DOK6: variants seen among roughly 807,000 people sequenced by gnomAD.
DOK6 encodes downstream of tyrosine kinase 6.
DOK6 carries 22 observed loss-of-function variants against 44.0 expected under a neutral mutation model. The ratio of observed to expected loss-of-function variants is 0.50; its 90% CI spans 0.36 to 0.71. DOK6 has a LOEUF of 0.71. DOK6 is among the 30% of genes least tolerant of loss of function. DOK6 has a pLI of 0.00. For missense variants in DOK6, 340 were observed against 416.4 expected (o/e 0.82, Z 1.60); for synonymous variants, 166 against 145.5 (o/e 1.14, Z -1.01).
chr18:69,473,169 G>A (rs1430227328), intron 1 of DOK6, among the ~76,000 whole-genome samples: 1 of 152,134 alleles, frequency 6.6e-6, no homozygotes, highest in East Asian at 1.9e-4. Context: ...CATACTTGCT[G>A]TTTCATTATA....
At chr18:69,519,909 TTTC>T (rs1981639311) in intron 1 of DOK6, among the ~76,000 whole-genome samples, 1 of 151,900 alleles carries the variant, frequency 6.6e-6, no homozygotes, top group Non-Finnish European at 1.5e-5. Context: ...ATAAGTTGTG[TTTC>T]TTATTTTTAA....
At chr18:69,804,120 G>C (rs1330423448) in intron 7 of DOK6, among the ~76,000 whole-genome samples, 2 of 152,126 alleles carry the variant, frequency 1.3e-5, no homozygotes, top group East Asian at 3.9e-4. Context: ...TCCCAGAAGA[G>C]AGCAATACAA....
intron 1 of DOK6, among the ~76,000 whole-genome samples, chr18:69,411,714 T>A (rs1302183355): frequency 6.6e-6 from 1 of 152,150 alleles, no homozygotes; most frequent in Non-Finnish European, 1.5e-5. Flanking sequence ...GGCTTCTTGA[T>A]TCTATGGCTT....
At chr18:69,711,961 T>TAATC (rs1186867665) in intron 5 of DOK6, among the ~76,000 whole-genome samples, 1 of 152,166 alleles carries the variant, frequency 6.6e-6, no homozygotes, top group Admixed American at 6.5e-5. Flanking sequence ...AATTGATGAT[T>TAATC]AATCATTCTC....
At chr18:69,576,601 T>C (rs1378694879) in intron 2 of DOK6, among the ~76,000 whole-genome samples, 13 of 152,154 alleles carry the variant, frequency 8.5e-5, no homozygotes, top group African/African-American at 3.1e-4. Context: ...ACTGTGAGAG[T>C]GATCTTGCAG....
chr18:69,566,644 T>C (rs148111250), intron 2 of DOK6, among the ~76,000 whole-genome samples: 1 of 152,318 alleles, frequency 6.6e-6, no homozygotes, highest in African/African-American at 2.4e-5. Flanking sequence ...TTCAAAGATG[T>C]GTGAGACACA....
At chr18:69,819,642 T>C (rs954325702) in intron 7 of DOK6, among the ~76,000 whole-genome samples, 4 of 152,180 alleles carry the variant, frequency 2.6e-5, no homozygotes, top group Non-Finnish European at 5.9e-5. Context: ...TAACTGAAAC[T>C]TTAGACCTGT....
chr18:69,689,456 T>A (rs1986218830), intron 4 of DOK6, among the ~76,000 whole-genome samples: 1 of 152,202 alleles, frequency 6.6e-6, no homozygotes, highest in Non-Finnish European at 1.5e-5. Flanking sequence ...AAGTTTCCAA[T>A]ATACAGAATT....
At chr18:69,489,764 G>A (rs752167106) in intron 1 of DOK6, among the ~76,000 whole-genome samples, 8 of 151,956 alleles carry the variant, frequency 5.3e-5, no homozygotes, top group African/African-American at 1.2e-4. Context: ...GGCCATACAC[G>A]ATTTGGTATG....
intron 2 of DOK6, among the ~76,000 whole-genome samples, chr18:69,578,295 A>C (rs1261542042): frequency 6.6e-6 from 1 of 152,202 alleles, no homozygotes; most frequent in Non-Finnish European, 1.5e-5. Flanking sequence ...TGTAAAATGC[A>C]AGTAATAATA....
At chr18:69,819,798 T>G (rs1981513793) in intron 7 of DOK6, among the ~76,000 whole-genome samples, 1 of 152,188 alleles carries the variant, frequency 6.6e-6, no homozygotes, top group Non-Finnish European at 1.5e-5. Flanking sequence ...ATTTCACTTA[T>G]TATAATGTCC....
chr18:69,589,784 A>G (rs910458345), intron 2 of DOK6, among the ~76,000 whole-genome samples: 5 of 152,186 alleles, frequency 3.3e-5, no homozygotes, highest in African/African-American at 9.6e-5. Flanking sequence ...TATAAATTAT[A>G]TATTCCAAAT....
At chr18:69,688,551 C>G (rs568116431) in intron 4 of DOK6, among the ~76,000 whole-genome samples, 4 of 152,322 alleles carry the variant, frequency 2.6e-5, no homozygotes, top group African/African-American at 9.6e-5. Context: ...GAGTCAGAGT[C>G]TCGCTCTATT....
At chr18:69,776,328 C>T (rs968786153) in intron 7 of DOK6, among the ~76,000 whole-genome samples, 1 of 151,916 alleles carries the variant, frequency 6.6e-6, no homozygotes, top group East Asian at 1.9e-4. Context: ...AACATGGGCT[C>T]ATGTTTTCAG....
intron 1 of DOK6, among the ~76,000 whole-genome samples, chr18:69,530,490 G>T (rs181706091): frequency 6.6e-6 from 1 of 152,196 alleles, no homozygotes; most frequent in African/African-American, 2.4e-5. Context: ...TTCACCAAAG[G>T]TTGGAGAACC....
At chr18:69,546,959 A>C (rs1186093290) in intron 1 of DOK6, among the ~76,000 whole-genome samples, 1 of 151,642 alleles carries the variant, frequency 6.6e-6, no homozygotes, top group African/African-American at 2.4e-5. Context: ...TACAGAAAGC[A>C]TGACAGCATC....
At chr18:69,460,906 G>A (rs1979770022) in intron 1 of DOK6, among the ~76,000 whole-genome samples, 1 of 152,062 alleles carries the variant, frequency 6.6e-6, no homozygotes, top group Non-Finnish European at 1.5e-5. Context: ...CTTCATACTT[G>A]GTCTTTTGAA....
rs2144575648 is a variant in DOK6, at chr18:69,534,126, G to C, written c.67-30361G>C. Among the ~76,000 whole-genome samples the C allele has an allele frequency of 2.6e-5, 4 of 152,176 alleles. No individual in the cohort carries two copies. The South Asian group carries it at 8.3e-4, about 32-fold the overall frequency. The stretch of plus-strand genomic sequence containing the variant: ...TTTTTTAAAATACATTTTTCAATCT[G>C]CCAAATGGAAGGCTAGTAACTTGCC... On this transcript the variant is annotated intron_variant, in intron 1 of 7. Coordinates refer to ENST00000382713, the MANE Select transcript of DOK6 (RefSeq NM_152721.6).
intron 3 of DOK6, among the ~76,000 whole-genome samples, chr18:69,644,005 A>AT (rs1985008772): frequency 6.6e-6 from 1 of 152,060 alleles, no homozygotes; most frequent in Non-Finnish European, 1.5e-5. Context: ...GTGATAAGTG[A>AT]TTTTGAGCAT....
Sources: gnomAD v4.1 joint callset for allele counts (sites outside exome capture counted in the v4.1 genomes callset) on GRCh38, gnomAD v4.1.1 for gene constraint, MANE v1.5 for transcripts, NCBI Gene and HGNC (gene_info 2026-07-23, HGNC 2026-07-21) for gene names.